CHD6: variants seen among roughly 807,000 people sequenced by gnomAD.
The protein encoded by CHD6 is chromodomain helicase DNA binding protein 6, also known as ATP-dependent chromatin remodeler CHD6.
CHD6 carries 50 observed loss-of-function variants against 276.9 expected under a neutral mutation model. The ratio of observed to expected loss-of-function variants is 0.18; its 90% CI spans 0.14 to 0.23. The LOEUF (loss-of-function observed/expected upper bound fraction) is 0.23, where lower values mean the gene tolerates loss of function less well. CHD6 is among the 10% of genes least tolerant of loss of function. The probability of loss-of-function intolerance (pLI) is 1.00; values close to 1 mark genes in which losing one functional copy is unlikely to be tolerated. For missense variants in CHD6, 2,564 were observed against 3,365.8 expected, an observed-to-expected ratio of 0.76 and a Z score of 5.89; for synonymous variants, 1,173 against 1,229.3, an observed-to-expected ratio of 0.95 and a Z score of 0.96.
intron 35 of CHD6, 67 bp from the exon 36 acceptor site, chr20:41,412,330 C>G: frequency 6.4e-7 from 1 of 1,561,998 alleles, no homozygotes; most frequent in Non-Finnish European, 8.8e-7. Context: ...GAGGCTGATG[C>G]TTTTCAACTG....
chr20:41,550,030 A>G (rs1200569648), intron 2 of CHD6, among the ~76,000 whole-genome samples: 5 of 152,138 alleles, frequency 3.3e-5, no homozygotes, highest in Non-Finnish European at 5.9e-5. Flanking sequence ...CAAACTCCTG[A>G]CCTCAGGTGA....
intron 23 of CHD6, among the ~76,000 whole-genome samples, chr20:41,448,330 T>G (rs185222043): frequency 4.6e-4 from 70 of 152,228 alleles, no homozygotes; most frequent in Non-Finnish European, 8.2e-4. Flanking sequence ...GTGAGCAGGG[T>G]GAACAGTGGT....
At chr20:41,555,224 C>G (rs2045209796) in intron 1 of CHD6, among the ~76,000 whole-genome samples, 1 of 132,464 alleles carries the variant, frequency 7.5e-6, no homozygotes, top group African/African-American at 3.0e-5. Context: ...GGCGGCTGGC[C>G]GGGTGGGGGG....
chr20:41,453,324 C>G (rs1266492644), intron 20 of CHD6, among the ~76,000 whole-genome samples: 2 of 152,210 alleles, frequency 1.3e-5, no homozygotes, highest in African/African-American at 4.8e-5. Context: ...AGTCTGCACT[C>G]TGGAGACAAG....
At chr20:41,437,401 C>T in intron 26 of CHD6, 67 bp from the exon 27 acceptor site, 1 of 1,117,846 alleles carries the variant, frequency 8.9e-7, no homozygotes, top group South Asian at 1.4e-5. Flanking sequence ...TTCAGTTACC[C>T]TGGTCAACCA....
Position 41,439,818 on chromosome 20 carries a change from C to G in CHD6, c.4007+182G>C, listed in dbSNP as rs533109518. On this transcript the variant is annotated intron_variant, in intron 26 of 36. Coordinates refer to ENST00000373233, the MANE Select transcript of CHD6 (RefSeq NM_032221.5). ...TTCAAAGTGCTTGGAAGTCAAAGAG[C>G]AGGTCTGAGGTAGAGTAGGGTGTAA... is the stretch of plus-strand genomic sequence containing the variant. 3.9e-5 allele frequency among the ~76,000 whole-genome samples: 6 copies of G among 152,250 alleles called. No individual in the cohort carries two copies. In the East Asian group the frequency reaches 9.6e-4, roughly 24 times the overall value.
chr20:41,425,013 C>T lies in CHD6; in HGVS notation c.4346+165G>A, dbSNP rs73261701. ...TTCCTAGACCTCATCAGACTCCCAT[C>T]ACCATGATACCATCACAACTGAAGG... On this transcript the variant is annotated intron_variant, in intron 29 of 36. Coordinates refer to ENST00000373233, the MANE Select transcript of CHD6 (RefSeq NM_032221.5). Among the ~76,000 whole-genome samples, 64 of 152,322 alleles carry T rather than the reference C, an allele frequency of 4.2e-4. 1 individual carries two copies. Among genetic ancestry groups the T allele is most frequent in the African/African-American group, 1.5e-3 (63 of 41,576 alleles).
At chr20:41,413,228 C>T (rs2046895962) in intron 35 of CHD6, 96 bp downstream of exon 35, 4 of 971,214 alleles carry the variant, frequency 4.1e-6, no homozygotes, top group Non-Finnish European at 3.0e-6. Flanking sequence ...AAACAGCTCC[C>T]AACTTCCTGG....
At chr20:41,617,568 C>T (rs895129692) in intron 1 of CHD6, among the ~76,000 whole-genome samples, 2 of 152,196 alleles carry the variant, frequency 1.3e-5, no homozygotes, top group African/African-American at 2.4e-5. Flanking sequence ...GCGCAACGGA[C>T]TCCGTTACTT....
chr20:41,456,067 A>G, intron 18 of CHD6, 88 bp from the exon 19 acceptor site: 2 of 1,269,610 alleles, frequency 1.6e-6, no homozygotes, highest in East Asian at 2.5e-5. Context: ...TTCAGTGCAT[A>G]GTTCCTCCAT....
intron 1 of CHD6, among the ~76,000 whole-genome samples, chr20:41,599,712 C>G (rs764478066): frequency 2.0e-5 from 3 of 152,210 alleles, no homozygotes; most frequent in Non-Finnish European, 4.4e-5. Context: ...AAGCTTCCTT[C>G]GTCTTTCTCT....
chr20:41,490,894 T>G (rs927245519), intron 11 of CHD6, among the ~76,000 whole-genome samples: 4 of 152,096 alleles, frequency 2.6e-5, no homozygotes, highest in African/African-American at 9.7e-5. Flanking sequence ...TGGCACACAT[T>G]TACCTATGTA....
intron 3 of CHD6, among the ~76,000 whole-genome samples, chr20:41,518,464 G>A (rs2044305359): frequency 6.6e-6 from 1 of 152,138 alleles, no homozygotes; most frequent in South Asian, 2.1e-4. Context: ...AAGGAGGGGG[G>A]AATCATGGTG....
intron 3 of CHD6, among the ~76,000 whole-genome samples, chr20:41,522,188 G>GA (rs1271916592): frequency 4.0e-5 from 6 of 151,622 alleles, no homozygotes; most frequent in Middle Eastern, 3.4e-3. Context: ...AAAAAATCGG[G>GA]AAAAAAAATC....
intron 1 of CHD6, among the ~76,000 whole-genome samples, chr20:41,559,438 C>A (rs1006720361): frequency 1.3e-5 from 2 of 152,184 alleles, no homozygotes; most frequent in Non-Finnish European, 2.9e-5. Context: ...TAAAGCTGTT[C>A]TTGACAATCA....
At chr20:41,442,218 T>C (rs1212710867) in intron 25 of CHD6, among the ~76,000 whole-genome samples, 2 of 151,906 alleles carry the variant, frequency 1.3e-5, no homozygotes, top group Admixed American at 6.6e-5. Context: ...GGCAAGAGGA[T>C]TGTTTTGAGT....
intron 27 of CHD6, among the ~76,000 whole-genome samples, chr20:41,433,207 A>G (rs2047600436): frequency 6.6e-6 from 1 of 152,232 alleles, no homozygotes; most frequent in Admixed American, 6.5e-5. Flanking sequence ...ACTTGAAGAA[A>G]TCATGGCTGA....
intron 5 of CHD6, among the ~76,000 whole-genome samples, chr20:41,504,403 CTTTTT>C (rs200549678): frequency 3.6e-5 from 4 of 109,966 alleles, no homozygotes; most frequent in Admixed American, 9.8e-5. Context: ...CCTCTATTTT[CTTTTT>C]TTTTTTTTTT....
In CHD6 at chr20:41,493,887, C is replaced by G; in HGVS notation, c.1150G>C (p.Ala384Pro). ...YVEVDRILEV[A>P]HTKDAETGEE... ...CCTGTTTCTGCATCCTTGGTGTGGG[C>G]CACCTCCAAGATGCGATCAACTTCT... is the stretch of plus-strand genomic sequence containing the variant. The change falls in exon 9 of 37, where the codon GCC (alanine) becomes CCC (proline). Residue 384 changes from alanine to proline, a missense_variant. Transcript: ENST00000373233. The G allele has an allele frequency of 6.2e-7, 1 of 1,613,864 alleles. No individual in the cohort carries two copies. The highest frequency in any genetic ancestry group is 8.5e-7 in the Non-Finnish European group (1 of 1,179,878).
Sources: allele counts gnomAD v4.1 joint callset (sites outside exome capture counted in the v4.1 genomes callset), GRCh38; gene constraint gnomAD v4.1.1; transcripts MANE v1.5; gene names NCBI Gene and HGNC (gene_info 2026-07-23, HGNC 2026-07-21).